TRAF3IP2: variants seen among roughly 807,000 people sequenced by gnomAD.
The protein encoded by TRAF3IP2 is E3 ubiquitin ligase TRAF3IP2.
TRAF3IP2 carries 35 observed loss-of-function variants against 57.9 expected under a neutral mutation model. The ratio of observed to expected loss-of-function variants is 0.60; its 90% CI spans 0.46 to 0.80. The LOEUF (loss-of-function observed/expected upper bound fraction) is 0.80. Among genes scored for constraint, TRAF3IP2 ranks in the 30% least tolerant of loss-of-function variants. TRAF3IP2 has a pLI of 0.00. For missense variants in TRAF3IP2, 556 were observed against 706.4 expected (o/e 0.79, Z 2.41); for synonymous variants, 251 against 268.9 (o/e 0.93, Z 0.65).
At chr6:111,597,006 T>C (rs1013411033) in intron 1 of TRAF3IP2, among the ~76,000 whole-genome samples, 5 of 152,208 alleles carry the variant, frequency 3.3e-5, no homozygotes, top group African/African-American at 4.8e-5. Context: ...AATAAATAGT[T>C]GATGCCTATT....
At chr6:111,588,276 AC>A (rs775359943) in intron 2 of TRAF3IP2, among the ~76,000 whole-genome samples, 158 of 151,738 alleles carry the variant, frequency 1.0e-3, no homozygotes, top group Non-Finnish European at 1.7e-3. Context: ...GCCTTTCAAC[AC>A]CTCTTTTCGC....
chr6:111,595,969 C>T (rs764203922), intron 1 of TRAF3IP2, among the ~76,000 whole-genome samples: 2 of 152,136 alleles, frequency 1.3e-5, no homozygotes, highest in African/African-American at 2.4e-5. Flanking sequence ...AACCCACGAC[C>T]GGCGTCCCAG....
chr6:111,575,461 A>G (rs992697374), intron 4 of TRAF3IP2, among the ~76,000 whole-genome samples, 182 bp downstream of exon 4: 4 of 151,880 alleles, frequency 2.6e-5, no homozygotes, highest in African/African-American at 9.7e-5. Flanking sequence ...GGTAGTGGGC[A>G]CCTGTAGTCC....
At chr6:111,575,167 T>G (rs1795940286) in intron 4 of TRAF3IP2, among the ~76,000 whole-genome samples, 1 of 151,728 alleles carries the variant, frequency 6.6e-6, no homozygotes, top group African/African-American at 2.4e-5. Flanking sequence ...GAGGCTGCAG[T>G]TAGCCATGAT....
At chr6:111,570,654 C>G (rs1201686603) in intron 5 of TRAF3IP2, among the ~76,000 whole-genome samples, 1 of 152,178 alleles carries the variant, frequency 6.6e-6, no homozygotes, top group East Asian at 1.9e-4. Context: ...AACCTAAGCT[C>G]TCCTCCAGGG....
chr6:111,580,062 T>G, intron 3 of TRAF3IP2, 135 bp downstream of exon 3: 1 of 1,005,086 alleles, frequency 9.9e-7, no homozygotes, highest in Non-Finnish European at 1.4e-6. Context: ...AAAGTCTATA[T>G]TGGGCATTCC....
chr6:111,604,782 C>T (rs1796970444), intron 1 of TRAF3IP2, among the ~76,000 whole-genome samples: 1 of 152,122 alleles, frequency 6.6e-6, no homozygotes, highest in African/African-American at 2.4e-5. Context: ...AAAGTCCTTT[C>T]CTCAAGGGGG....
At chr6:111,585,350 G>T (rs566765970) in intron 2 of TRAF3IP2, among the ~76,000 whole-genome samples, 1 of 141,826 alleles carries the variant, frequency 7.1e-6, no homozygotes, top group South Asian at 2.2e-4. Flanking sequence ...AAAAAAAATG[G>T]CTTTTCCAAG....
rs534560825 is a variant in TRAF3IP2, at chr6:111,575,274, C to G, written c.1201+369G>C. Among the ~76,000 whole-genome samples, 23 of 151,986 alleles carry G rather than the reference C, an allele frequency of 1.5e-4. No homozygotes were observed. In the South Asian group the frequency reaches 2.9e-3, roughly 19 times the overall value. On this transcript the variant is annotated intron_variant, in intron 4 of 8. Coordinates refer to ENST00000368761, the MANE Select transcript of TRAF3IP2 (RefSeq NM_147686.4). Reference sequence around the variant, plus strand: ...TAGGGACGAGTGATCATCCAGCCATCACAAAGTATAAGACCTCACAAGAAG... The same window carrying G: ...TAGGGACGAGTGATCATCCAGCCATGACAAAGTATAAGACCTCACAAGAAG...
intron 5 of TRAF3IP2, 77 bp downstream of exon 5, chr6:111,572,818 C>T (rs1795868857): frequency 3.6e-6 from 4 of 1,118,952 alleles, no homozygotes; most frequent in Admixed American, 3.6e-5. Flanking sequence ...ACAGCTATTA[C>T]ACTTTTTCTT....
At chr6:111,566,841 G>A (rs1008397615) in intron 6 of TRAF3IP2, among the ~76,000 whole-genome samples, 4 of 152,032 alleles carry the variant, frequency 2.6e-5, no homozygotes, top group African/African-American at 9.7e-5. Flanking sequence ...ATGAAAGCCC[G>A]AATCACTGAG....
intron 6 of TRAF3IP2, chr6:111,567,145 G>A (rs1795673514): frequency 1.0e-6 from 1 of 993,528 alleles, no homozygotes; most frequent in Non-Finnish European, 1.2e-6. Flanking sequence ...TCTTGTTAAA[G>A]CACAACGTGT....
chr6:111,591,465 C>G lies in TRAF3IP2; in HGVS notation c.622G>C (p.Gly208Arg). ...GYDSQPQDVL[G>R]IRQLERPLPL... Reference sequence around the variant, plus strand: ...AGGGGCCTTTCCAGCTGCCTGATGCCCAGGACATCCTGGGGCTGGGAATCA... The same window carrying G: ...AGGGGCCTTTCCAGCTGCCTGATGCGCAGGACATCCTGGGGCTGGGAATCA... The change falls in exon 2 of 9, where the codon GGC becomes CGC. Residue 208 changes from glycine (G) to arginine (R), a missense_variant. Coordinates refer to ENST00000368761, the MANE Select transcript of TRAF3IP2 (RefSeq NM_147686.4). The surrounding 1 kb of genome is among the most constrained non-coding windows in gnomAD (Gnocchi z 4.9). 1.9e-6 allele frequency: 3 copies of G among 1,598,646 alleles called. No homozygotes were observed. In the South Asian group the frequency reaches 3.4e-5, roughly 18 times the overall value.
chr6:111,603,341 CT>C (rs1215127802), intron 1 of TRAF3IP2, among the ~76,000 whole-genome samples: 1 of 152,196 alleles, frequency 6.6e-6, no homozygotes, highest in Non-Finnish European at 1.5e-5. Context: ...TGGAAAAATC[CT>C]TCAGACTGCA....
intron 2 of TRAF3IP2, among the ~76,000 whole-genome samples, chr6:111,585,600 A>G (rs1354114326): frequency 6.6e-6 from 1 of 152,172 alleles, no homozygotes; most frequent in Non-Finnish European, 1.5e-5. Flanking sequence ...CACACTAGTT[A>G]GTGTGTGAGA....
intron 2 of TRAF3IP2, among the ~76,000 whole-genome samples, chr6:111,582,767 T>C (rs1185468564): frequency 6.6e-6 from 1 of 152,198 alleles, no homozygotes; most frequent in Non-Finnish European, 1.5e-5. Flanking sequence ...CTTGGTGGAC[T>C]GCACTTACAA....
chr6:111,595,390 T>C (rs1173074832), intron 1 of TRAF3IP2, among the ~76,000 whole-genome samples: 1 of 152,196 alleles, frequency 6.6e-6, no homozygotes, highest in African/African-American at 2.4e-5. Context: ...CATGTCACTA[T>C]CAAATACTCA....
At chr6:111,599,027 A>G (rs993331875) in intron 1 of TRAF3IP2, among the ~76,000 whole-genome samples, 2 of 144,010 alleles carry the variant, frequency 1.4e-5, no homozygotes, top group Non-Finnish European at 3.0e-5. Flanking sequence ...AGCCTCCCAT[A>G]TTGTTGGGAC....
chr6:111,595,827 C>CAA (rs569836365), intron 1 of TRAF3IP2, among the ~76,000 whole-genome samples: 3 of 92,888 alleles, frequency 3.2e-5, no homozygotes, highest in African/African-American at 4.0e-5. Context: ...GACTCTGTCT[C>CAA]AAAAAAAAAA....
Sources: gnomAD v4.1 joint callset for allele counts (sites outside exome capture counted in the v4.1 genomes callset) on GRCh38, gnomAD v4.1.1 for gene constraint, Gnocchi (gnomAD v3.1) non-coding constraint, MANE v1.5 for transcripts, NCBI Gene and HGNC (gene_info 2026-07-23, HGNC 2026-07-21) for gene names.